Variants in INSL6 observed in about 807,000 individuals in gnomAD.
INSL6 encodes insulin-like peptide INSL6.
Under a neutral mutation model 9.4 loss-of-function variants are expected in INSL6, and 16 were observed. The ratio of observed to expected loss-of-function variants is 1.70; its 90% CI spans 1.15 to 2.59. The LOEUF is 2.59. INSL6 is among the 30% of genes most tolerant of loss of function. The probability of loss-of-function intolerance (pLI) is 0.00; values close to 1 mark genes in which losing one functional copy is unlikely to be tolerated. For missense variants in INSL6, 391 were observed against 257.3 expected, an observed-to-expected ratio of 1.52 and a Z score of -3.56; for synonymous variants, 154 against 96.9, an observed-to-expected ratio of 1.59 and a Z score of -3.46.
the INSL6 span, among the ~76,000 whole-genome samples, chr9:4,997,155 C>A: frequency 6.6e-6 from 1 of 151,974 alleles, no homozygotes; most frequent in African/African-American, 2.4e-5. Context: ...TGGTCTTGAA[C>A]TCCTGGGCTC....
chr9:5,010,657 G>T, the INSL6 span, among the ~76,000 whole-genome samples: 1 of 152,110 alleles, frequency 6.6e-6, no homozygotes, highest in Non-Finnish European at 1.5e-5. Context: ...AATGGAAGAA[G>T]AATAATATTA....
chr9:5,048,006 G>T, the INSL6 span, among the ~76,000 whole-genome samples: 1 of 152,106 alleles, frequency 6.6e-6, no homozygotes, highest in South Asian at 2.1e-4. Flanking sequence ...TCTTCCATTT[G>T]TAACTTTTCT....
downstream of INSL6, among the ~76,000 whole-genome samples, chr9:5,123,362 A>C (rs902178201): frequency 6.6e-6 from 1 of 151,906 alleles, no homozygotes; most frequent in Non-Finnish European, 1.5e-5. Flanking sequence ...TTCTACGTTC[A>C]TGTGTATACA....
the INSL6 span, among the ~76,000 whole-genome samples, chr9:5,008,998 G>A: frequency 3.7e-4 from 56 of 152,146 alleles, no homozygotes; most frequent in Admixed American, 1.6e-3. Flanking sequence ...CCTTTGAGTC[G>A]TATTATTCAA....
At chr9:4,998,019 A>G in the INSL6 span, among the ~76,000 whole-genome samples, 81 of 152,330 alleles carry the variant, frequency 5.3e-4, 1 homozygote, top group South Asian at 0.016. Context: ...TATTTTAAAA[A>G]TCATTATGAG....
At chr9:5,092,582 T>G in the INSL6 span, among the ~76,000 whole-genome samples, 1 of 152,112 alleles carries the variant, frequency 6.6e-6, no homozygotes, top group African/African-American at 2.4e-5. Flanking sequence ...CTTGGCACAA[T>G]AGATACAGTA....
downstream of INSL6, among the ~76,000 whole-genome samples, chr9:5,163,250 C>T (rs1201622143): frequency 6.6e-6 from 1 of 152,138 alleles, no homozygotes; most frequent in Non-Finnish European, 1.5e-5. Context: ...GGTAAGGGAC[C>T]ACGCTTTAAG....
At chr9:5,007,238 TTTAAGA>T in the INSL6 span, among the ~76,000 whole-genome samples, 1 of 152,182 alleles carries the variant, frequency 6.6e-6, no homozygotes, top group East Asian at 1.9e-4. Context: ...TGTGTATGAA[TTTAAGA>T]TTATGAATAT....
At chr9:5,129,144 A>G (rs1003613874) in intron 3 of INSL6, among the ~76,000 whole-genome samples, 5 of 152,102 alleles carry the variant, frequency 3.3e-5, no homozygotes, top group African/African-American at 7.2e-5. Context: ...AACAGCTACA[A>G]AAGAGTTAGC....
At chr9:5,137,062 G>GA (rs1471439247) in intron 2 of INSL6, among the ~76,000 whole-genome samples, 1 of 151,286 alleles carries the variant, frequency 6.6e-6, no homozygotes. Flanking sequence ...ACTTACAAGG[G>GA]ATGTGAAGGA....
chr9:5,130,760 G>A (rs929165803), intron 3 of INSL6, among the ~76,000 whole-genome samples: 5 of 146,352 alleles, frequency 3.4e-5, no homozygotes, highest in Non-Finnish European at 6.0e-5. Flanking sequence ...ACGGAGTCTC[G>A]CTCTGTCGCC....
At chr9:5,184,929 CTA>C (rs1825534714) in intron 1 of INSL6, among the ~76,000 whole-genome samples, 2 of 152,240 alleles carry the variant, frequency 1.3e-5, no homozygotes, top group South Asian at 4.1e-4. Flanking sequence ...TCAAATACAA[CTA>C]TGTGCTAGAT....
the INSL6 span, among the ~76,000 whole-genome samples, chr9:5,067,624 A>T: frequency 6.6e-6 from 1 of 151,994 alleles, no homozygotes; most frequent in Non-Finnish European, 1.5e-5. Context: ...AACAGATAAT[A>T]GTACATTATA....
the INSL6 span, among the ~76,000 whole-genome samples, chr9:4,993,009 C>T: frequency 1.3e-5 from 2 of 152,190 alleles, no homozygotes; most frequent in Non-Finnish European, 2.9e-5. Context: ...GTAAGAGTAG[C>T]TTTCTGAGCT....
the INSL6 span, chr9:5,099,818 T>C: frequency 2.0e-5 from 3 of 152,252 alleles, no homozygotes; most frequent in African/African-American, 7.2e-5. Context: ...CTTGGGCTTC[T>C]ACCCCATTCA....
At chr9:5,184,104 A>C (rs1201464428) in intron 1 of INSL6, among the ~76,000 whole-genome samples, 1 of 152,190 alleles carries the variant, frequency 6.6e-6, no homozygotes, top group Non-Finnish European at 1.5e-5. Context: ...TTCTGTCTTT[A>C]AAAGTTTTTA....
the INSL6 span, chr9:5,081,794 C>A: frequency 6.2e-7 from 1 of 1,610,632 alleles, no homozygotes; most frequent in Non-Finnish European, 8.5e-7. Context: ...TTTTCTGGTG[C>A]CTTTGAAGAC....
At chr9:5,018,314 T>C in the INSL6 span, among the ~76,000 whole-genome samples, 3 of 152,100 alleles carry the variant, frequency 2.0e-5, no homozygotes, top group Non-Finnish European at 2.9e-5. Context: ...ATGGTAGTAA[T>C]TGTCCTTTTT....
chr9:5,095,842 G>A, the INSL6 span, among the ~76,000 whole-genome samples: 60,426 of 151,928 alleles, frequency 0.4, 14,067 homozygotes, highest in African/African-American at 0.66. Flanking sequence ...AAATCTGATT[G>A]TTTACCTTAT....
Sources: allele counts gnomAD v4.1 joint callset (sites outside exome capture counted in the v4.1 genomes callset), GRCh38; gene constraint gnomAD v4.1.1; transcripts MANE v1.5; gene names NCBI Gene and HGNC (gene_info 2026-07-23, HGNC 2026-07-21).